The following GOLGA4 variants were observed in gnomAD, a reference collection of about 807,000 sequenced individuals.
GOLGA4 encodes the protein golgin subfamily A member 4.
In GOLGA4, 169 loss-of-function variants were observed where a neutral mutation model predicts 265.9. The ratio of observed to expected loss-of-function variants is 0.64; its 90% CI spans 0.56 to 0.72. The LOEUF is 0.72. Ranked by LOEUF, GOLGA4 falls within the 30% of genes least tolerant of loss-of-function variation. The pLI is 0.00. For synonymous variants in GOLGA4, 923 were observed against 855.8 expected (o/e 1.08, Z -1.37); for missense variants, 2,482 against 2,483.4 (o/e 1.00, Z 0.01).
Position 37,315,677 on chromosome 3 carries a change from AAAG to A in GOLGA4, c.1413+84_1413+86del, listed in dbSNP as rs1358398060. 49 of 1,181,596 alleles carry A rather than the reference AAAG, an allele frequency of 4.1e-5. No individual in the cohort carries two copies. In the African/African-American group the frequency reaches 7.5e-4, roughly 18 times the overall value. 73.2% of individuals were successfully genotyped at this position (1,181,596 alleles called of 1,614,324 possible). Reference sequence around the variant, plus strand: ...ATTTTTCCTTACACTCTTTGACTGTAAAGAAGAGTTTGTTTGTATTTTAGACAT... The same window carrying A: ...ATTTTTCCTTACACTCTTTGACTGTAAAGAGTTTGTTTGTATTTTAGACAT... On this transcript the variant is annotated intron_variant, in intron 11 of 23. Coordinates refer to ENST00000361924, the MANE Select transcript of GOLGA4 (RefSeq NM_002078.5).
intron 2 of GOLGA4, among the ~76,000 whole-genome samples, chr3:37,270,365 C>A (rs1165309219): frequency 6.6e-6 from 1 of 150,520 alleles, no homozygotes; most frequent in African/African-American, 2.4e-5. Flanking sequence ...GCCACCACGA[C>A]GTTTTTATAG....
At chr3:37,354,789 A>G (rs555375098) in intron 21 of GOLGA4, among the ~76,000 whole-genome samples, 1 of 152,254 alleles carries the variant, frequency 6.6e-6, no homozygotes, top group South Asian at 2.1e-4. Context: ...ATTTCTGCAA[A>G]TAAGCCTTTT....
chr3:37,282,931 C>T (rs920478209), intron 3 of GOLGA4, among the ~76,000 whole-genome samples: 5 of 152,156 alleles, frequency 3.3e-5, no homozygotes, highest in African/African-American at 1.2e-4. Flanking sequence ...CCCTCTGCAT[C>T]CTATGCAGTT....
At chr3:37,261,181 G>A (rs1025224812) in intron 2 of GOLGA4, among the ~76,000 whole-genome samples, 117 of 151,786 alleles carry the variant, frequency 7.7e-4, no homozygotes, top group African/African-American at 2.6e-3. Flanking sequence ...AAAAAAAAAA[G>A]AAAAAAGTCT....
At chr3:37,353,767 T>C (rs997196571) in intron 21 of GOLGA4, among the ~76,000 whole-genome samples, 2 of 151,946 alleles carry the variant, frequency 1.3e-5, no homozygotes, top group Non-Finnish European at 2.9e-5. Flanking sequence ...TTTTTAAAAT[T>C]TTTTGTAGAG....
At chr3:37,343,352 C>T (rs187018420) in intron 20 of GOLGA4, among the ~76,000 whole-genome samples, 1,968 of 152,236 alleles carry the variant, frequency 0.013, 40 homozygotes, top group Non-Finnish European at 0.016. Flanking sequence ...AACTCCTGAC[C>T]TCGGGTGATC....
At chr3:37,262,235 G>A (rs2096771603) in intron 2 of GOLGA4, among the ~76,000 whole-genome samples, 1 of 152,178 alleles carries the variant, frequency 6.6e-6, no homozygotes, top group Non-Finnish European at 1.5e-5. Flanking sequence ...GCCGGGCGTG[G>A]TGGCTCACGC....
chr3:37,276,985 T>C (rs551976587), intron 2 of GOLGA4, among the ~76,000 whole-genome samples: 2 of 152,308 alleles, frequency 1.3e-5, no homozygotes, highest in South Asian at 4.1e-4. Context: ...TACTTTTTTT[T>C]CCATATTGGC....
chr3:37,316,994 C>T (rs1217570212), intron 11 of GOLGA4, among the ~76,000 whole-genome samples: 1 of 151,920 alleles, frequency 6.6e-6, no homozygotes, highest in South Asian at 2.1e-4. Context: ...ACTTAATAAT[C>T]TTTCTAGGAG....
intron 1 of GOLGA4, among the ~76,000 whole-genome samples, chr3:37,247,419 T>C (rs562093569): frequency 6.8e-4 from 104 of 152,262 alleles, no homozygotes; most frequent in African/African-American, 2.0e-3. Flanking sequence ...AGTGTAATAG[T>C]GATATATACA....
At chr3:37,275,822 A>G in intron 2 of GOLGA4, 1 of 1,613,796 alleles carries the variant, frequency 6.2e-7, no homozygotes, top group Non-Finnish European at 8.5e-7. Context: ...ACTGCAGTCC[A>G]CAAGAATCGG....
rs775443917 is a variant in GOLGA4 at position 37,355,178 on chromosome 3, T to G, written c.6654T>G (p.Ala2218=). 6.4e-7 allele frequency: 1 copy of G among 1,570,028 alleles called. No individual in the cohort carries two copies. Among genetic ancestry groups the G allele is most frequent in the African/African-American group, 1.4e-5 (1 of 74,014 alleles). ...AGAAAATTTTGGAAAGAGAAGATGCTCGGCTGATGGTAAGTTCTGGAAGTG... is the reference window on the plus strand; with the variant it reads ...AGAAAATTTTGGAAAGAGAAGATGCGCGGCTGATGGTAAGTTCTGGAAGTG... ...QTQKILERED[A]RLMFTSPRSG... The change falls in exon 22 of 24, where the codon GCT becomes GCG. Residue 2218 remains alanine, a synonymous_variant. Transcript: ENST00000361924.
chr3:37,293,593 C>T (rs953817765), intron 5 of GOLGA4, among the ~76,000 whole-genome samples: 8 of 152,044 alleles, frequency 5.3e-5, no homozygotes, highest in East Asian at 3.9e-4. Context: ...AATCCCAGAA[C>T]GATAAAGAGC....
At chr3:37,339,539 TCCATATCCTCA>T (rs1206781039) in intron 19 of GOLGA4, among the ~76,000 whole-genome samples, 1 of 152,248 alleles carries the variant, frequency 6.6e-6, no homozygotes, top group Non-Finnish European at 1.5e-5. Flanking sequence ...TTCCAGTGTC[TCCATATCCTCA>T]CCAACAAGTT....
At chr3:37,262,865 A>G (rs1455874760) in intron 2 of GOLGA4, among the ~76,000 whole-genome samples, 4 of 152,178 alleles carry the variant, frequency 2.6e-5, no homozygotes, top group South Asian at 4.1e-4. Context: ...GATGGACTGC[A>G]TATATGACAG....
intron 19 of GOLGA4, among the ~76,000 whole-genome samples, chr3:37,338,044 A>G (rs1040712896): frequency 2.0e-5 from 3 of 152,338 alleles, no homozygotes; most frequent in African/African-American, 7.2e-5. Context: ...GAAAATAGTC[A>G]TCTATCTTTG....
intron 22 of GOLGA4, among the ~76,000 whole-genome samples, chr3:37,357,549 T>C (rs17036267): frequency 0.038 from 5,846 of 152,276 alleles, 142 homozygotes; most frequent in African/African-American, 0.056. Context: ...AAATACGATA[T>C]GAGATGACAT....
At chr3:37,343,716 T>C (rs2097046780) in intron 20 of GOLGA4, among the ~76,000 whole-genome samples, 1 of 152,248 alleles carries the variant, frequency 6.6e-6, no homozygotes, top group Non-Finnish European at 1.5e-5. Context: ...TGGAGTCCTC[T>C]GTTCCCTGGT....
chr3:37,330,921 C>CA (rs1422786435), intron 16 of GOLGA4, among the ~76,000 whole-genome samples: 1 of 151,086 alleles, frequency 6.6e-6, no homozygotes, highest in African/African-American at 2.4e-5. Flanking sequence ...CCCAGCTACT[C>CA]AGAGGAGGAT....
Sources: gnomAD v4.1 joint callset for allele counts (sites outside exome capture counted in the v4.1 genomes callset) on GRCh38, gnomAD v4.1.1 for gene constraint, MANE v1.5 for transcripts, NCBI Gene and HGNC (gene_info 2026-07-23, HGNC 2026-07-21) for gene names.